The following BACH1 variants were observed in gnomAD, a reference collection of about 807,000 sequenced individuals.
BACH1 encodes the protein BTB domain and CNC homolog 1, also known as transcription regulator protein BACH1.
Under a neutral mutation model 52.9 loss-of-function variants are expected in BACH1, and 35 were observed. That is an observed-to-expected ratio of 0.66 (90% CI 0.51 to 0.88). BACH1 has a LOEUF of 0.88. Ranked by LOEUF, BACH1 falls within the 40% of genes least tolerant of loss-of-function variation. The pLI, the probability that BACH1 is intolerant of heterozygous loss-of-function variation, is 0.00. For synonymous variants in BACH1, 321 were observed against 319.6 expected, an observed-to-expected ratio of 1.00 and a Z score of -0.05; for missense variants, 808 against 872.6, an observed-to-expected ratio of 0.93 and a Z score of 0.93.
chr21:29,300,938 A>G (rs1601333297), intron 1 of BACH1: 1 of 152,252 alleles, frequency 6.6e-6, no homozygotes, highest in South Asian at 2.1e-4. Context: ...TCTTGATTAT[A>G]TGACACCACT....
chr21:29,338,919 A>G (rs985735356), intron 4 of BACH1, among the ~76,000 whole-genome samples: 2 of 152,022 alleles, frequency 1.3e-5, no homozygotes, highest in Non-Finnish European at 2.9e-5. Flanking sequence ...AGTATTTTAT[A>G]TACATTTTTC....
At chr21:29,325,957 C>T in intron 2 of BACH1, 102 bp from the exon 3 acceptor site, 1 of 1,145,792 alleles carries the variant, frequency 8.7e-7, no homozygotes, top group Non-Finnish European at 1.2e-6. Flanking sequence ...ATAATTATCA[C>T]AAATAAGTTA....
chr21:29,306,423 A>G (rs1320371311), intron 1 of BACH1, among the ~76,000 whole-genome samples: 1 of 150,640 alleles, frequency 6.6e-6, no homozygotes, highest in Non-Finnish European at 1.5e-5. Context: ...CTAAAGCCTC[A>G]TAGCAGATGC....
chr21:29,340,764 AT>A (rs1487928652), intron 4 of BACH1, among the ~76,000 whole-genome samples: 1 of 152,180 alleles, frequency 6.6e-6, no homozygotes, highest in Non-Finnish European at 1.5e-5. Context: ...CTGAGAGACC[AT>A]AAAAAGAAAT....
chr21:29,317,328 A>G (rs535381634), intron 1 of BACH1, among the ~76,000 whole-genome samples: 1 of 152,356 alleles, frequency 6.6e-6, no homozygotes, highest in Admixed American at 6.5e-5. Context: ...ATTCAGCAGC[A>G]TGTACCTGTG....
chr21:29,337,891 T>G (rs764379827), intron 4 of BACH1, among the ~76,000 whole-genome samples: 2 of 151,962 alleles, frequency 1.3e-5, no homozygotes, highest in Non-Finnish European at 2.9e-5. Context: ...ATCATGCCAT[T>G]GCACTCCAGC....
chr21:29,333,043 A>G (rs2089003813), intron 4 of BACH1, among the ~76,000 whole-genome samples: 1 of 152,200 alleles, frequency 6.6e-6, no homozygotes, highest in Non-Finnish European at 1.5e-5. Flanking sequence ...TCTCAGTTCT[A>G]GTGATTTGTA....
At chr21:29,325,712 C>T (rs768450799) in intron 2 of BACH1, among the ~76,000 whole-genome samples, 5 of 152,074 alleles carry the variant, frequency 3.3e-5, no homozygotes, top group Non-Finnish European at 5.9e-5. Flanking sequence ...CTATGTGTGG[C>T]AGGTAGTGTT....
In BACH1 at chr21:29,325,501, T is replaced by C. The variant is rs1045889271; in HGVS notation, c.235-558T>C. Among the ~76,000 whole-genome samples the C allele has an allele frequency of 1.5e-4, 23 of 152,348 alleles. No individual in the cohort carries two copies. The South Asian group carries it at 3.1e-3, about 21-fold the overall frequency. On this transcript the variant is annotated intron_variant, in intron 2 of 4. Coordinates refer to ENST00000286800, the MANE Select transcript of BACH1 (RefSeq NM_001186.4). The stretch of plus-strand genomic sequence containing the variant: ...CTTAGATCACTTTTAAAAATCTGAA[T>C]CTTTAAAACTTTTACTGTTAGGAAT...
intron 4 of BACH1, among the ~76,000 whole-genome samples, chr21:29,333,437 T>TA (rs1210634363): frequency 4.6e-5 from 7 of 152,246 alleles, no homozygotes; most frequent in African/African-American, 2.4e-5. Context: ...GCAGTATTCT[T>TA]AGTCTTTATA....
intron 2 of BACH1, among the ~76,000 whole-genome samples, chr21:29,360,854 A>C (rs1048935591): frequency 1.0e-3 from 158 of 151,368 alleles, no homozygotes; most frequent in Non-Finnish European, 1.5e-3. Context: ...TCAAAAAAAA[A>C]AAAAAAACAA....
At chr21:29,319,532 C>T (rs996089742) in intron 1 of BACH1, among the ~76,000 whole-genome samples, 6 of 151,472 alleles carry the variant, frequency 4.0e-5, no homozygotes, top group African/African-American at 1.5e-4. Flanking sequence ...CAGGGACATA[C>T]CAGAAAACTG....
intron 1 of BACH1, among the ~76,000 whole-genome samples, chr21:29,313,205 A>G (rs1023296426): frequency 1.3e-5 from 2 of 152,202 alleles, no homozygotes; most frequent in Admixed American, 1.3e-4. Context: ...GGAAAAAAAA[A>G]AGGTCCATGC....
intron 4 of BACH1, among the ~76,000 whole-genome samples, chr21:29,330,245 A>C (rs931131715): frequency 1.3e-5 from 2 of 152,122 alleles, no homozygotes; most frequent in African/African-American, 4.8e-5. Flanking sequence ...GCTCACTGCA[A>C]GCTCTGCCTG....
intron 4 of BACH1, among the ~76,000 whole-genome samples, chr21:29,335,958 A>G (rs890490348): frequency 6.6e-6 from 1 of 152,214 alleles, no homozygotes; most frequent in African/African-American, 2.4e-5. Context: ...TGCATCTTCT[A>G]AAAAGAGGCA....
rs373765403 is a variant in BACH1, at chr21:29,342,589, A to T, written c.1967A>T (p.Asp656Val). ...CTTTCATTTTTAATTTCTGAAAAAGATAAAAGTACTCCTGATGGTGAACTG... is the reference window on the plus strand; with the variant it reads ...CTTTCATTTTTAATTTCTGAAAAAGTTAAAAGTACTCCTGATGGTGAACTG... ...CPLSFLISEK[D>V]KSTPDGELAL... is the part of the protein sequence containing the mutation. Residue 656 changes from aspartate to valine, a missense_variant, in exon 5 of 5, where the codon GAT becomes GTT. Physicochemically the swap from Asp to Val is radical, Grantham distance 152. Transcript: ENST00000286800. 136 of 1,614,110 alleles carry T rather than the reference A, an allele frequency of 8.4e-5. No homozygotes were observed. Among genetic ancestry groups the T allele is most frequent in the Non-Finnish European group, 1.1e-4 (131 of 1,180,052 alleles).
chr21:29,318,886 C>A (rs1004780173), intron 1 of BACH1, among the ~76,000 whole-genome samples: 1 of 152,044 alleles, frequency 6.6e-6, no homozygotes, highest in Non-Finnish European at 1.5e-5. Context: ...CAAGCATAAC[C>A]TTTTAGTCAT....
In BACH1 at chr21:29,321,483, A is replaced by G; in HGVS notation, c.203A>G (p.Asp68Gly). Residue 68 changes from aspartate (D) to glycine (G), a missense_variant, in exon 2 of 5, where the codon GAT becomes GGT. Physicochemically the swap from Asp to Gly is moderately conservative, Grantham distance 94 (BLOSUM62 -1). Transcript: ENST00000286800. ...CACTCAAGAATCGTAGGCCAGGCTG[A>G]TGGAGAGCTGAACATTACTCTTCCA... Reference protein sequence around the residue: ...YFHSRIVGQADGELNITLPEE... With the variant: ...YFHSRIVGQAGGELNITLPEE... 6.2e-7 allele frequency: 1 copy of G among 1,614,190 alleles called. No individual in the cohort carries two copies. The highest frequency in any genetic ancestry group is 2.2e-5 in the East Asian group (1 of 44,886).
At chr21:29,341,228 A>C (rs190136175) in intron 4 of BACH1, among the ~76,000 whole-genome samples, 74 of 152,304 alleles carry the variant, frequency 4.9e-4, no homozygotes, top group African/African-American at 1.5e-3. Flanking sequence ...TAAAAGACTA[A>C]AGGATGGCAC....
Sources: gnomAD v4.1 joint callset for allele counts (sites outside exome capture counted in the v4.1 genomes callset) on GRCh38, gnomAD v4.1.1 for gene constraint, MANE v1.5 for transcripts, NCBI Gene and HGNC (gene_info 2026-07-23, HGNC 2026-07-21) for gene names.